KCNJ6: variants seen among roughly 807,000 people sequenced by gnomAD.
KCNJ6 encodes the protein G protein-activated inward rectifier potassium channel 2.
A neutral mutation model predicts 34.2 loss-of-function variants in KCNJ6; 9 were observed. The observed-to-expected ratio is 0.26, with a 90% CI of 0.16 to 0.46. KCNJ6 has a LOEUF of 0.46. KCNJ6 is among the 20% of genes least tolerant of loss of function. KCNJ6 has a pLI of 1.00. For synonymous variants in KCNJ6, 196 were observed against 207.1 expected (o/e 0.95, Z 0.46); for missense variants, 236 against 531.3 (o/e 0.44, Z 5.46).
chr21:37,785,775 A>G (rs556886298), intron 2 of KCNJ6, among the ~76,000 whole-genome samples: 22 of 152,352 alleles, frequency 1.4e-4, no homozygotes, highest in Non-Finnish European at 2.9e-4. Flanking sequence ...TGAAATCGTC[A>G]TCCACAAGGT....
rs555800045 is a variant in KCNJ6 at position 37,811,682 on chromosome 21, AT to A, written c.25+28975del. 1.4e-3 allele frequency among the ~76,000 whole-genome samples: 213 copies of A among 148,984 alleles called. 1 individual carries two copies. The highest frequency in any genetic ancestry group is 3.6e-3 in the African/African-American group (147 of 40,784). On this transcript the variant is annotated intron_variant, in intron 2 of 3. Coordinates refer to ENST00000609713, the MANE Select transcript of KCNJ6 (RefSeq NM_002240.5). ...TGTCCTCCCCACTTCAAATTTGTGA[AT>A]TTTTTTTTTTACCAGTGGAATATGC...
intron 3 of KCNJ6, among the ~76,000 whole-genome samples, chr21:37,694,050 C>T (rs2835895): frequency 0.29 from 44,323 of 152,106 alleles, 6,865 homozygotes; most frequent in Middle Eastern, 0.37. Flanking sequence ...TGCCAGCCAC[C>T]GGGCAAATGG....
chr21:37,776,179 A>G (rs2055141313), intron 2 of KCNJ6, among the ~76,000 whole-genome samples: 2 of 152,244 alleles, frequency 1.3e-5, no homozygotes, highest in Admixed American at 1.3e-4. Flanking sequence ...AATGCTTGTG[A>G]TTTTTGCACG....
chr21:37,764,046 G>A (rs1052663569), intron 2 of KCNJ6, among the ~76,000 whole-genome samples: 1 of 152,184 alleles, frequency 6.6e-6, no homozygotes, highest in African/African-American at 2.4e-5. Flanking sequence ...CCAAGTCCCT[G>A]ATTTGACAAA....
chr21:37,900,050 TAC>T (rs2055809063), intron 1 of KCNJ6, among the ~76,000 whole-genome samples: 1 of 152,214 alleles, frequency 6.6e-6, no homozygotes, highest in Admixed American at 6.5e-5. Flanking sequence ...GATGAGGGAT[TAC>T]AGATTGTTCT....
intron 2 of KCNJ6, among the ~76,000 whole-genome samples, chr21:37,798,996 T>A (rs1481640821): frequency 6.6e-6 from 1 of 152,200 alleles, no homozygotes; most frequent in Non-Finnish European, 1.5e-5. Flanking sequence ...CGGGGGTTTG[T>A]TGTACCGAAT....
At chr21:37,626,194 G>A (rs551220613) in intron 3 of KCNJ6, among the ~76,000 whole-genome samples, 19 of 150,594 alleles carry the variant, frequency 1.3e-4, no homozygotes, top group Non-Finnish European at 2.1e-4. Context: ...GCAGTGGTGC[G>A]ATCTCGGCTC....
At chr21:37,724,834 A>G (rs1459504819) in intron 2 of KCNJ6, among the ~76,000 whole-genome samples, 1 of 151,880 alleles carries the variant, frequency 6.6e-6, no homozygotes, top group Non-Finnish European at 1.5e-5. Context: ...GCCCTCCTGG[A>G]AAAAAAATGA....
rs1239179365 is a variant in KCNJ6, at chr21:37,625,127, G to A, written c.*32C>T. On this transcript the variant is annotated 3_prime_UTR_variant, in exon 4 of 4. Coordinates refer to ENST00000609713, the MANE Select transcript of KCNJ6 (RefSeq NM_002240.5). ...AGAGACAAGGAAAGATTGTGTTGGG[G>A]GGAGAAGAGAAGGGTTTGCCCAGCT... 2 of 1,419,334 alleles carry A rather than the reference G, an allele frequency of 1.4e-6. No homozygotes were observed. Among genetic ancestry groups the A allele is most frequent in the Non-Finnish European group, 9.9e-7 (1 of 1,009,982 alleles). 87.9% of individuals were successfully genotyped at this position (1,419,334 alleles called of 1,614,324 possible).
intron 1 of KCNJ6, among the ~76,000 whole-genome samples, chr21:37,882,521 C>A (rs532048146): frequency 2.3e-4 from 35 of 152,314 alleles, no homozygotes; most frequent in Middle Eastern, 3.4e-3. Flanking sequence ...AGCCCTTCGC[C>A]CCCAGCCTTT....
intron 2 of KCNJ6, among the ~76,000 whole-genome samples, chr21:37,797,282 C>G (rs1018996116): frequency 2.6e-5 from 4 of 152,014 alleles, no homozygotes; most frequent in Non-Finnish European, 4.4e-5. Flanking sequence ...AACTCCTGAC[C>G]TCAAGTGATC....
rs916351466 is a variant in KCNJ6 at position 37,649,151 on chromosome 21, A to G, written c.947-23667T>C. 2.5e-3 allele frequency among the ~76,000 whole-genome samples: 376 copies of G among 148,644 alleles called. 2 individuals are homozygous for G. Among genetic ancestry groups the G allele is most frequent in the African/African-American group, 8.8e-3 (348 of 39,434 alleles). ...CCATCTCAAAAAAAAAAAAAAAAAAAAAAGAAAGAAAAAGAAAGGGAGTTT... is the reference window on the plus strand; with the variant it reads ...CCATCTCAAAAAAAAAAAAAAAAAAGAAAGAAAGAAAAAGAAAGGGAGTTT... On this transcript the variant is annotated intron_variant, in intron 3 of 3. Coordinates refer to ENST00000609713, the MANE Select transcript of KCNJ6 (RefSeq NM_002240.5).
intron 2 of KCNJ6, among the ~76,000 whole-genome samples, chr21:37,825,261 G>A (rs1021230011): frequency 3.3e-5 from 5 of 152,070 alleles, no homozygotes; most frequent in African/African-American, 4.8e-5. Flanking sequence ...TTTCTATACC[G>A]TAGGACATTT....
At chr21:37,678,765 G>A (rs10483039) in intron 3 of KCNJ6, among the ~76,000 whole-genome samples, 11,453 of 152,204 alleles carry the variant, frequency 0.075, 1,081 homozygotes, top group African/African-American at 0.22. Context: ...AGAGACCCAC[G>A]TAAACTCAGG....
chr21:37,871,853 A>G (rs940404788), intron 1 of KCNJ6, among the ~76,000 whole-genome samples: 5 of 152,232 alleles, frequency 3.3e-5, no homozygotes, highest in Admixed American at 3.3e-4. Flanking sequence ...AGCTTTTTAA[A>G]AACCTGTTAA....
Position 37,614,611 on chromosome 21 carries a change from T to C in KCNJ6, c.*10548A>G, listed in dbSNP as rs1468793418. 1 of 141,888 alleles carries C rather than the reference T, an allele frequency of 7.0e-6. No homozygotes were observed. Among genetic ancestry groups the C allele is most frequent in the African/African-American group, 2.5e-5 (1 of 39,222 alleles). 8.8% of individuals were successfully genotyped at this position (141,888 alleles called of 1,614,324 possible). The stretch of plus-strand genomic sequence containing the variant: ...GCATGTGTGTGTATGCATGTCTGTA[T>C]GCGTGTGTGTATGCATATGTCTGTG... On this transcript the variant is annotated 3_prime_UTR_variant, in exon 4 of 4. Transcript: ENST00000609713.
chr21:37,726,364 T>A (rs2054854555), intron 2 of KCNJ6, among the ~76,000 whole-genome samples: 1 of 152,232 alleles, frequency 6.6e-6, no homozygotes. Flanking sequence ...AGAAGGTACA[T>A]TCCAGGAGTG....
At chr21:37,639,385 T>G (rs146232541) in intron 3 of KCNJ6, among the ~76,000 whole-genome samples, 1 of 152,184 alleles carries the variant, frequency 6.6e-6, no homozygotes, top group Non-Finnish European at 1.5e-5. Context: ...TCCTAGAATA[T>G]TCCCACGAGG....
At chr21:37,625,813 G>T (rs552259785) in intron 3 of KCNJ6, among the ~76,000 whole-genome samples, 7 of 152,362 alleles carry the variant, frequency 4.6e-5, no homozygotes, top group African/African-American at 1.7e-4. Context: ...GGTCCACTCT[G>T]CTCTGGGAGA....
Sources: allele counts gnomAD v4.1 joint callset (sites outside exome capture counted in the v4.1 genomes callset), GRCh38; gene constraint gnomAD v4.1.1; transcripts MANE v1.5; gene names NCBI Gene and HGNC (gene_info 2026-07-23, HGNC 2026-07-21).